The following PUS1 variants were observed in gnomAD, a reference collection of about 807,000 sequenced individuals.
The protein encoded by PUS1 is pseudouridylate synthase 1 homolog.
A neutral mutation model predicts 38.5 loss-of-function variants in PUS1; 25 were observed. The observed-to-expected ratio is 0.65, with a 90% confidence interval of 0.47 to 0.91. The LOEUF (loss-of-function observed/expected upper bound fraction) is 0.91, where lower values mean the gene tolerates loss of function less well. PUS1 is among the 40% of genes least tolerant of loss of function. PUS1 has a pLI of 0.00. For missense variants in PUS1, 597 were observed against 612.3 expected, an observed-to-expected ratio of 0.97 and a Z score of 0.26; for synonymous variants, 282 against 260.4, an observed-to-expected ratio of 1.08 and a Z score of -0.80.
intron 2 of PUS1, among the ~76,000 whole-genome samples, chr12:131,930,964 G>T (rs1237200192): frequency 1.3e-5 from 2 of 152,150 alleles, no homozygotes; most frequent in Non-Finnish European, 1.5e-5. Context: ...ACTGGCCTCA[G>T]GTAGACATTC....
intron 4 of PUS1, 64 bp downstream of exon 4, chr12:131,939,339 T>C (rs1890970739): frequency 3.8e-6 from 4 of 1,041,704 alleles, no homozygotes; most frequent in Non-Finnish European, 5.8e-6. Flanking sequence ...GACACGAGGC[T>C]ATGCATGCTC....
intron 4 of PUS1, chr12:131,940,927 G>A (rs1269601835): frequency 2.7e-5 from 7 of 259,962 alleles, no homozygotes; most frequent in African/African-American, 1.5e-4. Flanking sequence ...AGAATTATGT[G>A]TGATATTTCC....
At position 131,930,062 on chromosome 12, in the gene PUS1, G is replaced by A. The variant is rs11554175; in HGVS notation, c.230G>A (p.Arg77Gln). 18 of 1,437,814 alleles carry A rather than the reference G, an allele frequency of 1.3e-5. No individual in the cohort carries two copies. In the South Asian group the frequency reaches 2.5e-4, roughly 20 times the overall value. 89.1% of individuals were successfully genotyped at this position (1,437,814 alleles called of 1,614,324 possible). Residue 77 changes from arginine (R) to glutamine (Q), a missense_variant, in exon 2 of 6, where the codon CGG (arginine) becomes CAG (glutamine). Physicochemically the swap from Arg to Gln is conservative, Grantham distance 43. Transcript: ENST00000376649. ...KKLKSGGDEE[R>Q]REKPPKRKIV... ...CTCAAGAGCGGTGGCGACGAGGAGC[G>A]GCGCGAGAAGCCGCCCAAGCGGAAG... is the stretch of plus-strand genomic sequence containing the variant.
At chr12:131,942,066 A>C in intron 5 of PUS1, 83 bp downstream of exon 5, 1 of 1,292,294 alleles carries the variant, frequency 7.7e-7, no homozygotes, top group Non-Finnish European at 1.1e-6. Flanking sequence ...TGAGGCACAG[A>C]GAAGTGTGTC....
chr12:131,929,833 G>A (rs1216500790), intron 1 of PUS1, 37 bp downstream of exon 1: 3 of 855,098 alleles, frequency 3.5e-6, no homozygotes, highest in Admixed American at 4.7e-5. Context: ...CGCTATGCCC[G>A]CCCAGCCCAG....
At chr12:131,935,620 ACCT>A (rs1160630375) in intron 3 of PUS1, among the ~76,000 whole-genome samples, 1 of 151,518 alleles carries the variant, frequency 6.6e-6, no homozygotes, top group Non-Finnish European at 1.5e-5. Flanking sequence ...CCGCAACCTC[ACCT>A]CCTGGGTTCG....
Position 131,939,281 on chromosome 12 carries a change from C to A in PUS1, c.544+6C>A, listed in dbSNP as rs570455002. On this transcript the variant is annotated splice_donor_region_variant and intron_variant, in intron 4 of 5. Coordinates refer to ENST00000376649, the MANE Select transcript of PUS1 (RefSeq NM_025215.6). ...CTCTCACATTCGGATTCTGGGTAAG[C>A]CTTGCAGTGCAGGCGGCCACACACC... The A allele has an allele frequency of 1.0e-5, 16 of 1,537,794 alleles. No homozygotes were observed. The highest frequency in any genetic ancestry group is 1.3e-5 in the Non-Finnish European group (15 of 1,132,748).
chr12:131,935,836 T>C (rs926251197), intron 3 of PUS1, among the ~76,000 whole-genome samples: 17 of 152,022 alleles, frequency 1.1e-4, no homozygotes, highest in Non-Finnish European at 1.8e-4. Flanking sequence ...CCCGGCCTAT[T>C]GTTTATTTTT....
intron 3 of PUS1, chr12:131,935,055 G>T (rs1890763470): frequency 1.3e-5 from 2 of 151,318 alleles, no homozygotes; most frequent in African/African-American, 4.8e-5. Flanking sequence ...CACAAAGAGG[G>T]ATCCACAAGT....
intron 5 of PUS1, among the ~76,000 whole-genome samples, chr12:131,943,137 C>T (rs776929666): frequency 1.3e-5 from 2 of 152,252 alleles, no homozygotes; most frequent in Non-Finnish European, 2.9e-5. Flanking sequence ...TAATTTTTCC[C>T]AAGCCCGGTG....
intron 3 of PUS1, 70 bp from the exon 4 acceptor site, chr12:131,939,103 T>C (rs777996593): frequency 1.1e-4 from 107 of 995,372 alleles, no homozygotes; most frequent in Non-Finnish European, 1.6e-4. Flanking sequence ...GCGTAGTCCT[T>C]CTTTCTCAGA....
chr12:131,943,655 G>A lies in PUS1; in HGVS notation c.*69G>A. On this transcript the variant is annotated 3_prime_UTR_variant, in exon 6 of 6. Transcript: ENST00000376649. ...GTGTGTGCCCAGATGTGCCACCCCT[G>A]TGGGCAGCAAGAAGCTGGGATCGCT... The A allele has an allele frequency of 7.6e-7, 1 of 1,310,486 alleles. No individual in the cohort carries two copies. The highest frequency in any genetic ancestry group is 1.1e-6 in the Non-Finnish European group (1 of 907,618). 81.2% of individuals were successfully genotyped at this position (1,310,486 alleles called of 1,614,324 possible).
intron 5 of PUS1, 45 bp downstream of exon 5, chr12:131,942,028 A>G (rs766697948): frequency 1.5e-5 from 22 of 1,505,464 alleles, no homozygotes; most frequent in South Asian, 9.3e-5. Context: ...ACAGGCCCAC[A>G]TTGTTCCCAT....
rs1368407045 is a variant in PUS1, at chr12:131,945,005, A to G, written c.*1419A>G. The G allele has an allele frequency of 2.0e-5, 3 of 152,288 alleles. No individual in the cohort carries two copies. Among genetic ancestry groups the G allele is most frequent in the Non-Finnish European group, 2.9e-5 (2 of 68,074 alleles). 9.4% of individuals were successfully genotyped at this position (152,288 alleles called of 1,614,324 possible). On this transcript the variant is annotated 3_prime_UTR_variant, in exon 6 of 6. Transcript: ENST00000376649. Reference sequence around the variant, plus strand: ...TCAGCGGAGGAAGTGCCGTGCATACACGTGGCCTCCCAGCCTGCAGCCCGT... The same window carrying G: ...TCAGCGGAGGAAGTGCCGTGCATACGCGTGGCCTCCCAGCCTGCAGCCCGT...
intron 3 of PUS1, among the ~76,000 whole-genome samples, chr12:131,936,972 T>A (rs1479637858): frequency 6.6e-6 from 1 of 152,036 alleles, no homozygotes; most frequent in South Asian, 2.1e-4. Context: ...CAGGTGTCCC[T>A]CAGCTGTTGA....
chr12:131,935,889 A>G (rs1210936926), intron 3 of PUS1, among the ~76,000 whole-genome samples: 1 of 152,094 alleles, frequency 6.6e-6, no homozygotes, highest in Non-Finnish European at 1.5e-5. Context: ...TTTTTGTTTC[A>G]GATTTTAAAA....
rs144648926 is a variant in PUS1 at position 131,941,602 on chromosome 12, G to T, written c.855G>T (p.Lys285Asn). 2.5e-6 allele frequency: 4 copies of T among 1,614,112 alleles called. No homozygotes were observed. The highest frequency in any genetic ancestry group is 3.4e-6 in the Non-Finnish European group (4 of 1,180,046). The change falls in exon 5 of 6, where the codon AAG becomes AAT. Residue 285 changes from lysine to asparagine, a missense_variant. Coordinates refer to ENST00000376649, the MANE Select transcript of PUS1 (RefSeq NM_025215.6). The surrounding 1 kb of genome is among the most constrained non-coding windows in gnomAD (Gnocchi z 4.4). ...EGLEFAVIRV[K>N]GQSFMMHQIR... ...TGGAGTTTGCGGTGATCAGGGTGAA[G>T]GGCCAGAGCTTCATGATGCATCAGA...
intron 3 of PUS1, among the ~76,000 whole-genome samples, chr12:131,935,399 T>C (rs1168287874): frequency 2.6e-5 from 4 of 152,252 alleles, no homozygotes; most frequent in Non-Finnish European, 5.9e-5. Flanking sequence ...ATTAGAGAGA[T>C]GGTTTCATTC....
At chr12:131,942,551 C>T (rs533942928) in intron 5 of PUS1, among the ~76,000 whole-genome samples, 195 of 152,180 alleles carry the variant, frequency 1.3e-3, no homozygotes, top group African/African-American at 2.9e-3. Context: ...GGACTACAGG[C>T]GCCCACCACC....
Sources: allele counts gnomAD v4.1 joint callset (sites outside exome capture counted in the v4.1 genomes callset), GRCh38; gene constraint gnomAD v4.1.1; non-coding constraint Gnocchi (gnomAD v3.1); transcripts MANE v1.5; gene names NCBI Gene and HGNC (gene_info 2026-07-23, HGNC 2026-07-21).